Variants in SESN1 observed in about 807,000 individuals in gnomAD.
SESN1 encodes sestrin 1.
Under a neutral mutation model 59.3 loss-of-function variants are expected in SESN1, and 30 were observed. The ratio of observed to expected loss-of-function variants is 0.51; its 90% CI spans 0.38 to 0.69. SESN1 has a LOEUF of 0.69. SESN1 is among the 30% of genes least tolerant of loss of function. The probability of loss-of-function intolerance (pLI) is 0.00; values close to 1 mark genes in which losing one functional copy is unlikely to be tolerated. For missense variants in SESN1, 566 were observed against 673.0 expected, an observed-to-expected ratio of 0.84 and a Z score of 1.76; for synonymous variants, 197 against 219.9, an observed-to-expected ratio of 0.90 and a Z score of 0.92.
In SESN1 at chr6:109,073,868, C is replaced by G. The variant is rs139482567; in HGVS notation, c.279+19927G>C. On this transcript the variant is annotated intron_variant, in intron 1 of 9. Coordinates refer to ENST00000436639, the MANE Select transcript of SESN1 (RefSeq NM_014454.3). ...TTCTTTTTAATGACATGTGTTTGGT[C>G]TCATTATAATAGATTAACTCATTAT... 7.7e-3 allele frequency among the ~76,000 whole-genome samples: 1,173 copies of G among 152,214 alleles called. 16 individuals are homozygous for G. The highest frequency in any genetic ancestry group is 0.027 in the African/African-American group (1,108 of 41,536).
chr6:109,087,315 GA>G (rs1031153179), intron 1 of SESN1, among the ~76,000 whole-genome samples: 1 of 150,612 alleles, frequency 6.6e-6, no homozygotes, highest in Non-Finnish European at 1.5e-5. Context: ...GTCAGAAAGT[GA>G]AAAAAAATTG....
At chr6:109,065,819 A>G (rs1780815642) in intron 1 of SESN1, among the ~76,000 whole-genome samples, 1 of 151,862 alleles carries the variant, frequency 6.6e-6, no homozygotes, top group African/African-American at 2.4e-5. Context: ...ATTACTTTAA[A>G]ATATTGAAAT....
intron 1 of SESN1, among the ~76,000 whole-genome samples, chr6:109,086,409 C>T (rs914469778): frequency 2.0e-5 from 3 of 152,118 alleles, no homozygotes; most frequent in African/African-American, 4.8e-5. Flanking sequence ...TTCTGTCAGA[C>T]CAAAGTTTCA....
At chr6:109,090,322 G>A (rs1157339163) in intron 1 of SESN1, among the ~76,000 whole-genome samples, 1 of 152,110 alleles carries the variant, frequency 6.6e-6, no homozygotes, top group Non-Finnish European at 1.5e-5. Context: ...TGCAACAGTG[G>A]CCTCATAAGA....
chr6:108,987,215 T>C lies in SESN1; in HGVS notation c.*329A>G, dbSNP rs1019325796. Reference sequence around the variant, plus strand: ...AAGTCCCATTCTTTGCATGCTCCAATTCTTGTTATCTTATTTAACATAAAA... The same window carrying C: ...AAGTCCCATTCTTTGCATGCTCCAACTCTTGTTATCTTATTTAACATAAAA... On this transcript the variant is annotated 3_prime_UTR_variant, in exon 10 of 10. Transcript: ENST00000436639. The C allele has an allele frequency of 1.9e-5, 4 of 210,580 alleles. No individual in the cohort carries two copies. Among genetic ancestry groups the C allele is most frequent in the African/African-American group, 9.1e-5 (4 of 43,756 alleles). 13.0% of individuals were successfully genotyped at this position (210,580 alleles called of 1,614,324 possible).
chr6:109,029,533 T>C (rs916018896), intron 1 of SESN1, among the ~76,000 whole-genome samples: 2 of 152,124 alleles, frequency 1.3e-5, no homozygotes, highest in South Asian at 4.1e-4. Flanking sequence ...ACAAGCAGAT[T>C]TGTCTATTCT....
At position 108,984,553 on chromosome 6, in the gene SESN1, G is replaced by C. The variant is rs1262448353; in HGVS notation, c.*2991C>G. ...ACTTTTTTAATATCACCACATTGAG[G>C]ATTACATTTCAGCATACAACATACA... On this transcript the variant is annotated 3_prime_UTR_variant, in exon 10 of 10. Coordinates refer to ENST00000436639, the MANE Select transcript of SESN1 (RefSeq NM_014454.3). Among the ~76,000 whole-genome samples the C allele has an allele frequency of 6.6e-6, 1 of 152,058 alleles. No homozygotes were observed. The highest frequency in any genetic ancestry group is 1.5e-5 in the Non-Finnish European group (1 of 68,016).
chr6:109,009,031 C>G, intron 1 of SESN1: 1 of 991,040 alleles, frequency 1.0e-6, no homozygotes, highest in Non-Finnish European at 1.2e-6. Context: ...CTTGTGGAGA[C>G]TTGTCCAGAC....
intron 1 of SESN1, among the ~76,000 whole-genome samples, chr6:109,054,531 T>C (rs1780597371): frequency 6.6e-6 from 1 of 152,146 alleles, no homozygotes; most frequent in Admixed American, 6.5e-5. Context: ...AAGCAGTGTA[T>C]AAGAAAGCTC....
chr6:109,073,294 C>T (rs1185582925), intron 1 of SESN1, among the ~76,000 whole-genome samples: 2 of 151,978 alleles, frequency 1.3e-5, no homozygotes, highest in African/African-American at 4.8e-5. Context: ...CATATGAGTA[C>T]CTAGAACAGT....
At chr6:109,093,321 C>T (rs1303983643) in intron 1 of SESN1, among the ~76,000 whole-genome samples, 1 of 152,022 alleles carries the variant, frequency 6.6e-6, no homozygotes, top group Non-Finnish European at 1.5e-5. Flanking sequence ...TTATATAATT[C>T]TCTTCTTGAA....
At chr6:108,989,686 G>A (rs1013976074) in intron 8 of SESN1, among the ~76,000 whole-genome samples, 1 of 152,086 alleles carries the variant, frequency 6.6e-6, no homozygotes, top group African/African-American at 2.4e-5. Flanking sequence ...CATGTTTCTA[G>A]GAGTTTCTGG....
rs1019970350 is a variant in SESN1, at chr6:109,082,420, T to C, written c.279+11375A>G. On this transcript the variant is annotated intron_variant, in intron 1 of 9. Coordinates refer to ENST00000436639, the MANE Select transcript of SESN1 (RefSeq NM_014454.3). ...GGAACTGAGGCTTAAGGAGGTTATG[T>C]AACTTGCCCAGTCACACAGTTTGGC... Among the ~76,000 whole-genome samples the C allele has an allele frequency of 2.0e-5, 3 of 152,186 alleles. No homozygotes were observed. The East Asian group carries it at 5.8e-4, about 29-fold the overall frequency.
In SESN1 at chr6:108,988,611, AAAC is replaced by A; in HGVS notation, c.1498_1500del (p.Val500del). On this transcript the variant is annotated inframe_deletion, in exon 9 of 10. Coordinates refer to ENST00000436639, the MANE Select transcript of SESN1 (RefSeq NM_014454.3). ...CTTTTGGTAACCTTTTCAGGAGTGC[AAAC>A]AACAGTTTTGATATAAACTTTAAAG... 1 of 1,613,246 alleles carries A rather than the reference AAAC, an allele frequency of 6.2e-7. No homozygotes were observed. The highest frequency in any genetic ancestry group is 1.3e-5 in the African/African-American group (1 of 74,920).
rs192361980 is a variant in SESN1, at chr6:109,003,499, G to T, written c.280-1156C>A. On this transcript the variant is annotated intron_variant, in intron 1 of 9. Coordinates refer to ENST00000436639, the MANE Select transcript of SESN1 (RefSeq NM_014454.3). ...TTAAGCAGGAAGGACAAAAGTGAAG[G>T]TAATCTTTATTAGGAGACATCAAGA... Among the ~76,000 whole-genome samples, 492 of 152,128 alleles carry T rather than the reference G, an allele frequency of 3.2e-3. 6 individuals are homozygous for T. The highest frequency in any genetic ancestry group is 0.011 in the African/African-American group (463 of 41,512).
intron 1 of SESN1, among the ~76,000 whole-genome samples, chr6:109,071,960 C>T (rs1353238643): frequency 6.6e-6 from 1 of 152,142 alleles, no homozygotes; most frequent in Non-Finnish European, 1.5e-5. Context: ...CGGGCTCTCT[C>T]CCAAGAAAAA....
At chr6:109,007,192 G>T (rs555485903) in intron 1 of SESN1, among the ~76,000 whole-genome samples, 1 of 152,114 alleles carries the variant, frequency 6.6e-6, no homozygotes. Context: ...GTGAAAATTC[G>T]TAGTGAATGT....
chr6:109,009,548 C>T, intron 1 of SESN1: 1 of 1,003,254 alleles, frequency 1.0e-6, no homozygotes, highest in Non-Finnish European at 1.1e-6. Flanking sequence ...TCAGTCAGCA[C>T]GGACGGCGGG....
intron 1 of SESN1, among the ~76,000 whole-genome samples, chr6:109,060,712 C>G (rs1780718272): frequency 2.6e-5 from 4 of 152,142 alleles, no homozygotes; most frequent in Admixed American, 2.6e-4. Context: ...TTTAATCTCA[C>G]TGAAATTATA....
Sources: gnomAD v4.1 joint callset for allele counts (sites outside exome capture counted in the v4.1 genomes callset) on GRCh38, gnomAD v4.1.1 for gene constraint, MANE v1.5 for transcripts, NCBI Gene and HGNC (gene_info 2026-07-23, HGNC 2026-07-21) for gene names.